NELL2: variants seen among roughly 807,000 people sequenced by gnomAD.
NELL2 encodes the protein neural EGFL like 2.
Under a neutral mutation model 109.6 loss-of-function variants are expected in NELL2, and 41 were observed. That is an observed-to-expected ratio of 0.37 (90% confidence interval 0.29 to 0.49). The LOEUF is 0.49. Among genes scored for constraint, NELL2 ranks in the 20% least tolerant of loss-of-function variants. NELL2 has a pLI of 0.98. For missense variants in NELL2, 900 were observed against 1,008.3 expected (o/e 0.89, Z 1.45); for synonymous variants, 355 against 344.7 (o/e 1.03, Z -0.33).
chr12:44,638,050 G>C (rs774145837), intron 13 of NELL2, among the ~76,000 whole-genome samples: 23 of 152,062 alleles, frequency 1.5e-4, no homozygotes, highest in East Asian at 1.9e-4. Context: ...CATTCTTCCA[G>C]TAACTCTTTC....
chr12:44,765,094 G>A (rs553067351), intron 9 of NELL2, among the ~76,000 whole-genome samples: 7 of 152,252 alleles, frequency 4.6e-5, no homozygotes, highest in South Asian at 2.1e-4. Flanking sequence ...GCTAAGTGAC[G>A]TGCTCCTGTA....
At chr12:44,918,512 CATGTAT>C (rs1422993872), upstream of NELL2, among the ~76,000 whole-genome samples, 2 of 113,302 alleles carry the variant, frequency 1.8e-5, no homozygotes, top group African/African-American at 7.5e-5. Flanking sequence ...TTCATGCATG[CATGTAT>C]GTGTGTGTGT....
chr12:44,777,819 G>C (rs1363047735), intron 5 of NELL2, among the ~76,000 whole-genome samples: 2 of 152,168 alleles, frequency 1.3e-5, no homozygotes, highest in African/African-American at 4.8e-5. Context: ...AAGGACAATA[G>C]ATTCATTAAA....
Position 44,875,249 on chromosome 12 carries a change from C to A in NELL2, c.160G>T (p.Gly54Trp). The A allele has an allele frequency of 6.2e-7, 1 of 1,613,874 alleles. No individual in the cohort carries two copies. The highest frequency in any genetic ancestry group is 8.5e-7 in the Non-Finnish European group (1 of 1,179,918). Reference protein sequence around the residue: ...GVRQVPGLHNGTKAFLFQDTP... With the variant: ...GVRQVPGLHNWTKAFLFQDTP... ...CCTTGAAAGAGAAAGGCTTTCGTCCCATTATGCAGCCCCGGGACCTGACGC... is the reference window on the plus strand; with the variant it reads ...CCTTGAAAGAGAAAGGCTTTCGTCCAATTATGCAGCCCCGGGACCTGACGC... The change falls in exon 2 of 20, where the codon GGG becomes TGG. Residue 54 changes from glycine (G) to tryptophan (W), a missense_variant. Transcript: ENST00000429094.
intron 18 of NELL2, among the ~76,000 whole-genome samples, chr12:44,521,390 C>T (rs1278661294): frequency 1.3e-5 from 2 of 151,474 alleles, no homozygotes; most frequent in East Asian, 1.9e-4. Flanking sequence ...ATTAGCCGGG[C>T]GTAGTGGCGG....
intron 11 of NELL2, among the ~76,000 whole-genome samples, chr12:44,708,866 T>C (rs951803384): frequency 2.6e-4 from 40 of 152,188 alleles, no homozygotes; most frequent in African/African-American, 9.2e-4. Flanking sequence ...TAGTCTATCA[T>C]TGTATTTTTA....
intron 11 of NELL2, among the ~76,000 whole-genome samples, chr12:44,706,109 A>G (rs573777836): frequency 1.3e-5 from 2 of 152,206 alleles, no homozygotes; most frequent in South Asian, 4.1e-4. Flanking sequence ...TCTCACTGTA[A>G]GATAACAGTG....
intron 12 of NELL2, among the ~76,000 whole-genome samples, chr12:44,684,841 T>C (rs1340061503): frequency 6.6e-6 from 1 of 152,194 alleles, no homozygotes; most frequent in Non-Finnish European, 1.5e-5. Context: ...CTTCCAACTA[T>C]GTGGTCAGTT....
At chr12:44,695,101 G>A (rs1315513197) in intron 12 of NELL2, among the ~76,000 whole-genome samples, 1 of 149,072 alleles carries the variant, frequency 6.7e-6, no homozygotes. Flanking sequence ...GAAGAGAGGG[G>A]GAGGGAGGAA....
intron 3 of NELL2, among the ~76,000 whole-genome samples, chr12:44,803,711 CAAATAAGCAAGAAA>C (rs1349384795): frequency 6.6e-6 from 1 of 151,640 alleles, no homozygotes; most frequent in Non-Finnish European, 1.5e-5. Context: ...AGCGTTCTTA[CAAATAAGCAAGAAA>C]AATAGCAAGA....
At chr12:44,551,208 TC>T (rs1943033583) in intron 15 of NELL2, among the ~76,000 whole-genome samples, 1 of 152,158 alleles carries the variant, frequency 6.6e-6, no homozygotes, top group South Asian at 2.1e-4. Flanking sequence ...TTAAAAATAT[TC>T]CCCTAATTCA....
At chr12:44,917,705 T>G (rs779557880), upstream of NELL2, among the ~76,000 whole-genome samples, 26 of 152,212 alleles carry the variant, frequency 1.7e-4, no homozygotes, top group Admixed American at 1.1e-3. Context: ...AAGCTTGTCC[T>G]GGGTGGGCCC....
intron 12 of NELL2, among the ~76,000 whole-genome samples, chr12:44,673,673 C>T (rs1393861258): frequency 4.6e-5 from 7 of 152,184 alleles, no homozygotes; most frequent in African/African-American, 7.2e-5. Context: ...ATAGACCCTG[C>T]CTTAAAAGGG....
intron 2 of NELL2, among the ~76,000 whole-genome samples, chr12:44,830,465 G>C (rs74081716): frequency 0.054 from 8,251 of 152,136 alleles, 781 homozygotes; most frequent in African/African-American, 0.19. Context: ...TCAAAATTGA[G>C]CTACATTTTT....
chr12:44,639,905 AT>A (rs1422435186), intron 13 of NELL2, among the ~76,000 whole-genome samples: 1 of 151,990 alleles, frequency 6.6e-6, no homozygotes, highest in East Asian at 1.9e-4. Context: ...TTCTCATCCC[AT>A]GCCACCTTCC....
In NELL2 at chr12:44,714,752, A is replaced by C; in HGVS notation, c.995-11T>G. 1 of 1,520,544 alleles carries C rather than the reference A, an allele frequency of 6.6e-7. No homozygotes were observed. Among genetic ancestry groups the C allele is most frequent in the South Asian group, 1.2e-5 (1 of 83,794 alleles). The allele number at this position is 1,520,544 out of a possible 1,614,324, so 94.2% of individuals were successfully genotyped here. ...GAAATTGGCATATCGCTTTGGAGTAAAAAATACATATATATTTATTTTATT... is the reference window on the plus strand; with the variant it reads ...GAAATTGGCATATCGCTTTGGAGTACAAAATACATATATATTTATTTTATT... On this transcript the variant is annotated splice_polypyrimidine_tract_variant and intron_variant, in intron 9 of 19. Transcript: ENST00000429094.
chr12:44,913,267 CTAGA>C (rs1245149135), intron 1 of NELL2, among the ~76,000 whole-genome samples: 1 of 152,108 alleles, frequency 6.6e-6, no homozygotes, highest in East Asian at 1.9e-4. Flanking sequence ...AATCTTTACC[CTAGA>C]TAGTGAGCCA....
chr12:44,725,335 C>T (rs1939016285), intron 9 of NELL2, among the ~76,000 whole-genome samples: 1 of 151,956 alleles, frequency 6.6e-6, no homozygotes, highest in Admixed American at 6.6e-5. Context: ...AACAGACAAC[C>T]TACAAAATGA....
intron 2 of NELL2, among the ~76,000 whole-genome samples, chr12:44,863,323 T>A (rs887995328): frequency 6.6e-6 from 1 of 152,182 alleles, no homozygotes; most frequent in Non-Finnish European, 1.5e-5. Flanking sequence ...CAGTCTTCAA[T>A]CAGATTCAAT....
Sources: allele counts gnomAD v4.1 joint callset (sites outside exome capture counted in the v4.1 genomes callset), GRCh38; gene constraint gnomAD v4.1.1; transcripts MANE v1.5; gene names NCBI Gene and HGNC (gene_info 2026-07-23, HGNC 2026-07-21).